The following SOD2 variants were observed in gnomAD, a reference collection of about 807,000 sequenced individuals.
SOD2 encodes the protein superoxide dismutase 2, also known as superoxide dismutase [Mn], mitochondrial.
In SOD2, 11 loss-of-function variants were observed where a neutral mutation model predicts 27.0. That is an observed-to-expected ratio of 0.41 (90% confidence interval 0.26 to 0.67). SOD2 has a LOEUF of 0.67. Ranked by LOEUF, SOD2 falls within the 30% of genes least tolerant of loss-of-function variation. The pLI, the probability that SOD2 is intolerant of heterozygous loss-of-function variation, is 0.34. For missense variants in SOD2, 250 were observed against 274.5 expected (o/e 0.91, Z 0.63); for synonymous variants, 105 against 103.0 (o/e 1.02, Z -0.12).
At position 159,674,941 on chromosome 6, in the gene SOD2, T is replaced by C. The variant is rs1250955658; in HGVS notation, c.*7552A>G. On this transcript the variant is annotated 3_prime_UTR_variant, in exon 5 of 5. Coordinates refer to ENST00000538183, the MANE Select transcript of SOD2 (RefSeq NM_000636.4). ...AATGTGCAAAAATCACAAGCATTCTTATACACCAACAACAGACAAACAGAG... is the reference window on the plus strand; with the variant it reads ...AATGTGCAAAAATCACAAGCATTCTCATACACCAACAACAGACAAACAGAG... 6 of 152,206 alleles carry C rather than the reference T, an allele frequency of 3.9e-5. No individual in the cohort carries two copies. The highest frequency in any genetic ancestry group is 3.3e-4 in the Admixed American group (5 of 15,282). The allele number at this position is 152,206 out of a possible 1,614,324, so 9.4% of individuals were successfully genotyped here.
intron 1 of SOD2, among the ~76,000 whole-genome samples, chr6:159,716,713 G>A (rs1384293764): frequency 6.6e-6 from 1 of 152,210 alleles, no homozygotes; most frequent in East Asian, 1.9e-4. Flanking sequence ...CATATACAGA[G>A]AGGTGCTATT....
intron 4 of SOD2, among the ~76,000 whole-genome samples, chr6:159,683,416 C>T (rs1217093777): frequency 2.0e-5 from 3 of 152,096 alleles, no homozygotes; most frequent in Non-Finnish European, 2.9e-5. Flanking sequence ...ACCTGGGAGG[C>T]GGAAGTTGTA....
chr6:159,755,789 T>G, intron 1 of SOD2: 1 of 921,424 alleles, frequency 1.1e-6, no homozygotes, highest in Non-Finnish European at 1.4e-6. Context: ...TTTTTTTTTT[T>G]TGCTTCAATA....
In SOD2 at chr6:159,740,641, A is replaced by G. The variant is rs78761068; in HGVS notation, c.-116+4489T>C. Among the ~76,000 whole-genome samples the G allele has an allele frequency of 5.5e-3, 842 of 151,912 alleles. 11 individuals are homozygous for G. Among genetic ancestry groups the G allele is most frequent in the Middle Eastern group, 6.9e-3 (2 of 290 alleles). ...AAATAAAGCATGGCCTTGGCTGAAC[A>G]TCAGTGTTTACATAGAAAGTGGATT... On this transcript the variant is annotated intron_variant, in intron 1 of 3. Transcript: ENST00000537657.
intron 1 of SOD2, among the ~76,000 whole-genome samples, chr6:159,723,337 C>G (rs1292785659): frequency 6.6e-6 from 1 of 152,206 alleles, no homozygotes; most frequent in Non-Finnish European, 1.5e-5. Flanking sequence ...TTCCTTCTCT[C>G]TTCCCCTCCT....
chr6:159,751,116 TAAA>T (rs1006780326), intron 1 of SOD2, among the ~76,000 whole-genome samples: 1 of 152,190 alleles, frequency 6.6e-6, no homozygotes, highest in African/African-American at 2.4e-5. Flanking sequence ...TTTGTAATTT[TAAA>T]AAATTATTTC....
rs1471341085 is a variant in SOD2, at chr6:159,693,133, C to T, written c.23+12G>A. ...GCCCTTGGGGCCGTGACCGGGTCCC[C>T]TTTCTTCTCACCCGCACACTGCCCG... On this transcript the variant is annotated intron_variant, in intron 1 of 4. Coordinates refer to ENST00000538183, the MANE Select transcript of SOD2 (RefSeq NM_000636.4). The T allele has an allele frequency of 6.5e-7, 1 of 1,531,168 alleles. No homozygotes were observed. The highest frequency in any genetic ancestry group is 8.8e-7 in the Non-Finnish European group (1 of 1,139,380). The allele number at this position is 1,531,168 out of a possible 1,614,324, so 94.8% of individuals were successfully genotyped here.
intron 1 of SOD2, among the ~76,000 whole-genome samples, chr6:159,752,120 A>G (rs1451280687): frequency 6.6e-6 from 1 of 152,170 alleles, no homozygotes; most frequent in Non-Finnish European, 1.5e-5. Context: ...AAAGATTGAT[A>G]AAATATTTAC....
chr6:159,714,729 G>T (rs565309555), intron 1 of SOD2, among the ~76,000 whole-genome samples: 67 of 152,306 alleles, frequency 4.4e-4, no homozygotes, highest in African/African-American at 1.6e-3. Flanking sequence ...TTCATCAGAA[G>T]CCTTTGCTTG....
intron 1 of SOD2, chr6:159,755,671 AAATT>A: frequency 7.1e-7 from 1 of 1,408,388 alleles, no homozygotes; most frequent in Non-Finnish European, 9.2e-7. Context: ...ACTGTCCAGA[AAATT>A]AATGCATACT....
chr6:159,735,226 C>T (rs938175535), intron 1 of SOD2, among the ~76,000 whole-genome samples: 27 of 152,118 alleles, frequency 1.8e-4, no homozygotes, highest in Non-Finnish European at 3.7e-4. Context: ...CTGCAACCTC[C>T]GCCTCCCAGG....
chr6:159,748,056 A>G, upstream of SOD2: 2 of 1,153,264 alleles, frequency 1.7e-6, no homozygotes, highest in South Asian at 1.7e-5. The surrounding 1 kb of genome is among the most constrained non-coding windows in gnomAD (Gnocchi z 5.6). Flanking sequence ...AGATTTTTCT[A>G]GAGAATTTCA....
chr6:159,758,264 A>T (rs1780055425), intron 1 of SOD2, among the ~76,000 whole-genome samples: 1 of 151,998 alleles, frequency 6.6e-6, no homozygotes, highest in South Asian at 2.1e-4. Flanking sequence ...TGAAAAAAAA[A>T]AAAAACCACA....
At position 159,672,229 on chromosome 6, in the gene SOD2, G is replaced by A. The variant is rs1779682561; in HGVS notation, c.*10264C>T. ...AAGGGAGGACAACATTCAAATTCAG[G>A]AAATACAGAGAACGCCACAAAGATA... On this transcript the variant is annotated 3_prime_UTR_variant, in exon 5 of 5. Coordinates refer to ENST00000538183, the MANE Select transcript of SOD2 (RefSeq NM_000636.4). The A allele has an allele frequency of 1.3e-5, 2 of 152,216 alleles. No individual in the cohort carries two copies. The highest frequency in any genetic ancestry group is 4.1e-4 in the South Asian group (2 of 4,820). 9.4% of individuals were successfully genotyped at this position (152,216 alleles called of 1,614,324 possible).
At position 159,680,222 on chromosome 6, in the gene SOD2, T is replaced by C. The variant is rs1779886912; in HGVS notation, c.*2271A>G. On this transcript the variant is annotated 3_prime_UTR_variant, in exon 5 of 5. Transcript: ENST00000538183. ...ACAAACCATGATCTAGCAGACAACT[T>C]ATATTCAAAAGCTCATCTTTCAAAA... is the stretch of plus-strand genomic sequence containing the variant. 1 of 152,186 alleles carries C rather than the reference T, an allele frequency of 6.6e-6. No individual in the cohort carries two copies. Among genetic ancestry groups the C allele is most frequent in the Admixed American group, 6.5e-5 (1 of 15,274 alleles). The allele number at this position is 152,186 out of a possible 1,614,324, so 9.4% of individuals were successfully genotyped here.
intron 1 of SOD2, among the ~76,000 whole-genome samples, chr6:159,702,676 A>AAAAAAG (rs1554260556): frequency 1.4e-5 from 2 of 143,130 alleles, no homozygotes; most frequent in Admixed American, 1.4e-4. Context: ...AAAAAAAAAA[A>AAAAAAG]AAAGAAAGAA....
chr6:159,727,579 G>T (rs1284282805), upstream of SOD2: 1 of 987,102 alleles, frequency 1.0e-6, no homozygotes, highest in Non-Finnish European at 1.2e-6. Context: ...GGGACTAGGA[G>T]CGCGGCGGGG....
exon 1 of SOD2, chr6:159,727,149 G>T (rs887080022): frequency 2.5e-6 from 3 of 1,195,406 alleles, no homozygotes; most frequent in African/African-American, 1.6e-5. Context: ...GAGCTCCGGG[G>T]CCCGCGGAGC....
At chr6:159,688,826 T>A (rs1369460486) in intron 2 of SOD2, among the ~76,000 whole-genome samples, 1 of 152,068 alleles carries the variant, frequency 6.6e-6, no homozygotes, top group Non-Finnish European at 1.5e-5. Context: ...CACCAGCATA[T>A]CCATTAGCAA....
Sources: gnomAD v4.1 joint callset for allele counts (sites outside exome capture counted in the v4.1 genomes callset) on GRCh38, gnomAD v4.1.1 for gene constraint, Gnocchi (gnomAD v3.1) non-coding constraint, MANE v1.5 for transcripts, NCBI Gene and HGNC (gene_info 2026-07-23, HGNC 2026-07-21) for gene names.